Variants in OCSTAMP observed in about 807,000 individuals in gnomAD.
OCSTAMP encodes the protein osteoclast stimulatory transmembrane protein, also known as transmembrane protein C20orf123.
Under a neutral mutation model 25.2 loss-of-function variants are expected in OCSTAMP, and 17 were observed. The observed-to-expected ratio is 0.68, with a 90% CI of 0.46 to 1.01. The LOEUF is 1.01. Among genes scored for constraint, OCSTAMP ranks in the 50% least tolerant of loss-of-function variants. The pLI, the probability that OCSTAMP is intolerant of heterozygous loss-of-function variation, is 0.00. For missense variants in OCSTAMP, 664 were observed against 694.6 expected (o/e 0.96, Z 0.50); for synonymous variants, 345 against 318.9 (o/e 1.08, Z -0.87).
chr20:46,548,786 CTAGT>C (rs2061860999), intron 1 of OCSTAMP, among the ~76,000 whole-genome samples: 1 of 152,178 alleles, frequency 6.6e-6, no homozygotes, highest in South Asian at 2.1e-4. Flanking sequence ...GTGACTGGGT[CTAGT>C]TGATCCAAGT....
chr20:46,545,733 A>C lies in OCSTAMP; in HGVS notation c.641T>G (p.Leu214Arg), dbSNP rs188303040. 6 of 1,551,574 alleles carry C rather than the reference A, an allele frequency of 3.9e-6. No homozygotes were observed. In the Admixed American group the frequency reaches 1.2e-4, roughly 30 times the overall value. Reference sequence around the variant, plus strand: ...CGCTGCTGCCCGGGCCAGGGACTCCAGGCCAGAGAAATCCTCCAGGACCTG... The same window carrying C: ...CGCTGCTGCCCGGGCCAGGGACTCCCGGCCAGAGAAATCCTCCAGGACCTG... ...TQQVLEDFSG[L>R]ESLARAAALG... Residue 214 changes from leucine (L) to arginine (R), a missense_variant, in exon 2 of 3, where the codon CTG becomes CGG. Physicochemically the swap from Leu to Arg is moderately radical, Grantham distance 102. Coordinates refer to ENST00000279028, the MANE Select transcript of OCSTAMP (RefSeq NM_080721.3).
intron 1 of OCSTAMP, among the ~76,000 whole-genome samples, chr20:46,548,477 G>A (rs1044167767): frequency 1.1e-4 from 17 of 152,226 alleles, no homozygotes; most frequent in African/African-American, 4.1e-4. Flanking sequence ...AGCAAGGTCA[G>A]CAGAGAAGGT....
Position 46,542,633 on chromosome 20 carries a change from A to G in OCSTAMP, c.1048-706T>C, listed in dbSNP as rs373997032. The stretch of plus-strand genomic sequence containing the variant: ...CACATGGGTTACATGTTGCCAACTC[A>G]GGGATCAGTCTCAGCCAAGGTGGGT... On this transcript the variant is annotated intron_variant, in intron 2 of 2. Coordinates refer to ENST00000279028, the MANE Select transcript of OCSTAMP (RefSeq NM_080721.3). Among the ~76,000 whole-genome samples, 7 of 150,832 alleles carry G rather than the reference A, an allele frequency of 4.6e-5. No homozygotes were observed. The East Asian group carries it at 1.2e-3, about 25-fold the overall frequency.
At chr20:46,548,981 C>G (rs1481425024) in intron 1 of OCSTAMP, among the ~76,000 whole-genome samples, 1 of 152,128 alleles carries the variant, frequency 6.6e-6, no homozygotes, top group African/African-American at 2.4e-5. Flanking sequence ...ATGAGTCGGC[C>G]TGGGATGAAG....
At chr20:46,546,580 G>T (rs2061853906) in intron 1 of OCSTAMP, among the ~76,000 whole-genome samples, 1 of 152,228 alleles carries the variant, frequency 6.6e-6, no homozygotes, top group South Asian at 2.1e-4. Context: ...AGTACCTGAG[G>T]ATGTGAGGAT....
chr20:46,549,446 T>G (rs984473103), intron 1 of OCSTAMP, among the ~76,000 whole-genome samples: 3 of 151,966 alleles, frequency 2.0e-5, no homozygotes, highest in Admixed American at 6.6e-5. Context: ...ACCATTAGAG[T>G]TTAAGTTCAT....
chr20:46,541,340 C>A lies in OCSTAMP; in HGVS notation c.1635G>T (p.Val545=). Reference sequence around the variant, plus strand: ...CCACATCCCTGCGTGGGAAGTAGGTCACATCAATGGTAAATATGCTGTCGT... The same window carrying A: ...CCACATCCCTGCGTGGGAAGTAGGTAACATCAATGGTAAATATGCTGTCGT... ...LHNDSIFTID[V]TYFPRRDVVR... Residue 545 remains valine, a synonymous_variant, in exon 3 of 3, where the codon GTG becomes GTT. Transcript: ENST00000279028. 2.6e-6 allele frequency: 2 copies of A among 762,704 alleles called. No homozygotes were observed. Among genetic ancestry groups the A allele is most frequent in the East Asian group, 5.3e-5 (2 of 37,472 alleles). The allele number at this position is 762,704 out of a possible 1,614,324, so 47.2% of individuals were successfully genotyped here.
At position 46,541,048 on chromosome 20, in the gene OCSTAMP, G is replaced by A. The variant is rs1050764558; in HGVS notation, c.*226C>T. 44 of 480,256 alleles carry A rather than the reference G, an allele frequency of 9.2e-5. No homozygotes were observed. The highest frequency in any genetic ancestry group is 1.2e-4 in the Non-Finnish European group (33 of 271,030). The allele number at this position is 480,256 out of a possible 1,614,324, so 29.7% of individuals were successfully genotyped here. A position where few individuals can be genotyped will look rare whatever the true frequency, so the allele number is the denominator to read the frequency against. On this transcript the variant is annotated 3_prime_UTR_variant, in exon 3 of 3. Coordinates refer to ENST00000279028, the MANE Select transcript of OCSTAMP (RefSeq NM_080721.3). ...ACGTAATCTAAGATTTAATAAATACGTTTATTTATAAAATTAAAACTATGG... is the reference window on the plus strand; with the variant it reads ...ACGTAATCTAAGATTTAATAAATACATTTATTTATAAAATTAAAACTATGG...
intron 2 of OCSTAMP, among the ~76,000 whole-genome samples, chr20:46,544,894 C>T (rs1452425238): frequency 6.6e-6 from 1 of 152,214 alleles, no homozygotes; most frequent in African/African-American, 2.4e-5. Context: ...CAGATGTAAG[C>T]TATTAATAAT....
chr20:46,543,820 T>A (rs1201990927), intron 2 of OCSTAMP, among the ~76,000 whole-genome samples: 2 of 152,202 alleles, frequency 1.3e-5, no homozygotes, highest in Non-Finnish European at 2.9e-5. Context: ...GACTTGCAAT[T>A]GATGACTATC....
Position 46,549,276 on chromosome 20 carries a change from C to A in OCSTAMP, c.44+1241G>T, listed in dbSNP as rs147511944. ...ACAGAAGAGGGATCCTATAAAACTG[C>A]ACCACTTGTTACTCTGATGATACTT... On this transcript the variant is annotated intron_variant, in intron 1 of 2. Transcript: ENST00000279028. 1.5e-3 allele frequency among the ~76,000 whole-genome samples: 235 copies of A among 152,276 alleles called. 1 individual carries two copies. The highest frequency in any genetic ancestry group is 5.6e-3 in the African/African-American group (233 of 41,556).
rs1165076784 is a variant in OCSTAMP, at chr20:46,541,760, C to T, written c.1215G>A (p.Ala405=). 11 of 1,535,072 alleles carry T rather than the reference C, an allele frequency of 7.2e-6. No individual in the cohort carries two copies. Among genetic ancestry groups the T allele is most frequent in the Admixed American group, 4.1e-5 (2 of 48,438 alleles). The change falls in exon 3 of 3, where the codon GCG becomes GCA. Residue 405 remains alanine, a synonymous_variant. Coordinates refer to ENST00000279028, the MANE Select transcript of OCSTAMP (RefSeq NM_080721.3). ...RRPRAAAPLA[A]GALQLLAGST... is the part of the protein sequence containing the mutation. ...AGCCCGCCAGGAGCTGCAGGGCCCC[C>T]GCGGCCAGCGGGGCAGCTGCGCGGG...
Position 46,541,265 on chromosome 20 carries a change from C to T in OCSTAMP, c.*9G>A, listed in dbSNP as rs2061832748. 1 of 719,668 alleles carries T rather than the reference C, an allele frequency of 1.4e-6. No individual in the cohort carries two copies. The highest frequency in any genetic ancestry group is 2.6e-6 in the Non-Finnish European group (1 of 386,412). The allele number at this position is 719,668 out of a possible 1,614,324, so 44.6% of individuals were successfully genotyped here. A position where few individuals can be genotyped will look rare whatever the true frequency, so the allele number is the denominator to read the frequency against. On this transcript the variant is annotated 3_prime_UTR_variant, in exon 3 of 3. Transcript: ENST00000279028. ...TCCTTGTCTTCGCCTTTGCATGGTT[C>T]TTTACCGGTTATCCAGGCCTATCAT...
rs1229963852 is a variant in OCSTAMP, at chr20:46,541,511, G to A, written c.1464C>T (p.Ala488=). 2.6e-6 allele frequency: 4 copies of A among 1,551,726 alleles called. No individual in the cohort carries two copies. Among genetic ancestry groups the A allele is most frequent in the Non-Finnish European group, 3.5e-6 (4 of 1,146,958 alleles). ...PPAWIDYRLD[A]LRTESSEGEG... is the part of the protein sequence containing the mutation. ...CTCCCTCACTGCTCTCGGTTCTTAAGGCATCCAGCCTGTAGTCTATCCATG... is the reference window on the plus strand; with the variant it reads ...CTCCCTCACTGCTCTCGGTTCTTAAAGCATCCAGCCTGTAGTCTATCCATG... The change falls in exon 3 of 3, where the codon GCC becomes GCT. Residue 488 remains alanine, a synonymous_variant. Transcript: ENST00000279028.
At chr20:46,544,198 G>A (rs1417131992) in intron 2 of OCSTAMP, among the ~76,000 whole-genome samples, 1 of 152,170 alleles carries the variant, frequency 6.6e-6, no homozygotes, top group Non-Finnish European at 1.5e-5. Context: ...CTGCATTCTG[G>A]CATGGGCAAC....
chr20:46,549,359 C>T (rs980162479), intron 1 of OCSTAMP, among the ~76,000 whole-genome samples: 4 of 152,328 alleles, frequency 2.6e-5, no homozygotes, highest in African/African-American at 9.6e-5. Context: ...TCTGTGCTGA[C>T]CCCTGTGGAC....
At chr20:46,547,054 T>C (rs1473191080) in intron 1 of OCSTAMP, among the ~76,000 whole-genome samples, 1 of 152,120 alleles carries the variant, frequency 6.6e-6, no homozygotes, top group Non-Finnish European at 1.5e-5. Flanking sequence ...TCAACAAGAT[T>C]TGCAGAGGCT....
chr20:46,550,431 TGAA>T, intron 1 of OCSTAMP, 83 bp downstream of exon 1: 1 of 1,197,532 alleles, frequency 8.4e-7, no homozygotes, highest in South Asian at 1.3e-5. Flanking sequence ...ATGGCAGAGC[TGAA>T]GATTTGGGTT....
chr20:46,545,208 T>C, intron 2 of OCSTAMP, 119 bp downstream of exon 2: 1 of 1,113,800 alleles, frequency 9.0e-7, no homozygotes, highest in Non-Finnish European at 1.2e-6. Flanking sequence ...GCCCCATGGA[T>C]GATTCAAGGG....
Sources: gnomAD v4.1 joint callset for allele counts (sites outside exome capture counted in the v4.1 genomes callset) on GRCh38, gnomAD v4.1.1 for gene constraint, MANE v1.5 for transcripts, NCBI Gene and HGNC (gene_info 2026-07-23, HGNC 2026-07-21) for gene names.